Variants in SLC27A1 observed in about 807,000 individuals in gnomAD.
SLC27A1 encodes the protein long-chain fatty acid transport protein 1.
In SLC27A1, 61 loss-of-function variants were observed where a neutral mutation model predicts 62.2. The observed-to-expected ratio is 0.98, with a 90% confidence interval of 0.80 to 1.21. The LOEUF (loss-of-function observed/expected upper bound fraction) is 1.21. Among genes scored for constraint, SLC27A1 ranks in the 50% most tolerant of loss-of-function variants. The probability of loss-of-function intolerance (pLI) is 0.00; values close to 1 mark genes in which losing one functional copy is unlikely to be tolerated. For synonymous variants in SLC27A1, 435 were observed against 408.6 expected, an observed-to-expected ratio of 1.06 and a Z score of -0.78; for missense variants, 903 against 932.1, an observed-to-expected ratio of 0.97 and a Z score of 0.41.
chr19:17,481,723 G>A (rs960596725), intron 1 of SLC27A1, among the ~76,000 whole-genome samples: 16 of 152,014 alleles, frequency 1.1e-4, no homozygotes, highest in African/African-American at 2.7e-4. Context: ...GGCTGGTCTC[G>A]AACTGCTGGG....
upstream of SLC27A1, chr19:17,468,999 T>C (rs2075048611): frequency 6.6e-6 from 1 of 152,336 alleles, no homozygotes; most frequent in Non-Finnish European, 1.5e-5. Context: ...AAGGCACGGC[T>C]TGCAGCTTCA....
intron 1 of SLC27A1, among the ~76,000 whole-genome samples, chr19:17,472,633 T>G (rs2144537931): frequency 6.6e-6 from 1 of 152,042 alleles, no homozygotes; most frequent in South Asian, 2.1e-4. Flanking sequence ...TTCAAGTGAT[T>G]CTCCTGCGTC....
chr19:17,496,671 T>C (rs1049052520), intron 6 of SLC27A1: 26 of 153,402 alleles, frequency 1.7e-4, no homozygotes, highest in African/African-American at 5.6e-4. Flanking sequence ...GGATGTGGTA[T>C]CTCCAGGAAG....
rs1480933869 is a variant in SLC27A1, at chr19:17,504,331, G to T, written c.1784-124G>T. On this transcript the variant is annotated intron_variant, in intron 11 of 11. Transcript: ENST00000252595. The stretch of plus-strand genomic sequence containing the variant: ...AGGGGGAATCAGGCAGGCAAAATGG[G>T]GAAGAACATTCCTGCCCAGGGGACA... 8.0e-6 allele frequency: 10 copies of T among 1,245,424 alleles called. No homozygotes were observed. In the Admixed American group the frequency reaches 2.1e-4, roughly 26 times the overall value. The allele number at this position is 1,245,424 out of a possible 1,614,324, so 77.1% of individuals were successfully genotyped here.
chr19:17,470,289 G>A (rs542193792), upstream of SLC27A1, among the ~76,000 whole-genome samples: 17 of 152,192 alleles, frequency 1.1e-4, no homozygotes, highest in South Asian at 3.3e-3. Flanking sequence ...CAGGCCTGGG[G>A]CCCTGGTCTG....
intron 1 of SLC27A1, 41 bp downstream of exon 1, chr19:17,470,748 T>C: frequency 6.7e-7 from 1 of 1,487,934 alleles, no homozygotes. Flanking sequence ...GGGGCGGGGC[T>C]GAGGGCTCTG....
At chr19:17,471,667 G>C (rs935131077) in intron 1 of SLC27A1, among the ~76,000 whole-genome samples, 7 of 152,132 alleles carry the variant, frequency 4.6e-5, no homozygotes, top group African/African-American at 7.2e-5. Context: ...TAGCAAGAGG[G>C]ACTGAACCCA....
upstream of SLC27A1, chr19:17,469,036 T>C (rs1172206137): frequency 1.3e-5 from 2 of 152,242 alleles, no homozygotes; most frequent in Non-Finnish European, 2.9e-5. Context: ...GGGTTGTGCG[T>C]GCCCCCAGGC....
intron 1 of SLC27A1, 108 bp downstream of exon 1, chr19:17,470,815 A>G: frequency 3.0e-6 from 1 of 337,942 alleles, no homozygotes. Context: ...CGGAGAGCTG[A>G]GGGTGCTTTG....
At chr19:17,483,304 C>T (rs1300767239) in intron 1 of SLC27A1, among the ~76,000 whole-genome samples, 1 of 152,090 alleles carries the variant, frequency 6.6e-6, no homozygotes, top group African/African-American at 2.4e-5. Context: ...AGTGCGGCCC[C>T]ATTTTGAGGG....
intron 6 of SLC27A1, among the ~76,000 whole-genome samples, chr19:17,491,777 G>A (rs1414320451): frequency 6.6e-6 from 1 of 152,082 alleles, no homozygotes; most frequent in African/African-American, 2.4e-5. Flanking sequence ...GGGAGGCTGA[G>A]GTGGGAGGAT....
At chr19:17,471,683 A>G (rs917789898) in intron 1 of SLC27A1, among the ~76,000 whole-genome samples, 2 of 152,138 alleles carry the variant, frequency 1.3e-5, no homozygotes, top group Admixed American at 1.3e-4. Context: ...ACCCATTGTA[A>G]GGAGGGCACA....
In SLC27A1 at chr19:17,500,617, A is replaced by G. The variant is rs1441886937; in HGVS notation, c.1456A>G (p.Ser486Gly). Residue 486 changes from serine (S) to glycine (G), a missense_variant, in exon 9 of 12, where the codon AGC (serine) becomes GGC (glycine). Ser to Gly is a moderately conservative substitution (Grantham distance 56). Transcript: ENST00000252595. ...IAHSVFSKGD[S>G]AYLSGDVLVM... is the part of the protein sequence containing the mutation. The stretch of plus-strand genomic sequence containing the variant: ...CCACAGCGTCTTCAGCAAGGGCGAC[A>G]GCGCCTACCTCTCAGGTGCGCAGCC... 1 of 1,613,740 alleles carries G rather than the reference A, an allele frequency of 6.2e-7. No individual in the cohort carries two copies. The highest frequency in any genetic ancestry group is 8.5e-7 in the Non-Finnish European group (1 of 1,180,004).
upstream of SLC27A1, among the ~76,000 whole-genome samples, chr19:17,469,369 G>A (rs1336157056): frequency 6.6e-6 from 1 of 151,986 alleles, no homozygotes; most frequent in Non-Finnish European, 1.5e-5. Flanking sequence ...TTTAGGACAA[G>A]CTGGAGCAAG....
intron 1 of SLC27A1, among the ~76,000 whole-genome samples, chr19:17,475,906 G>C (rs1461140050): frequency 6.6e-6 from 1 of 152,180 alleles, no homozygotes; most frequent in Non-Finnish European, 1.5e-5. Context: ...CATGTGGCTG[G>C]AACCAAGTAC....
chr19:17,492,629 A>AG lies in SLC27A1; in HGVS notation c.996+3512_996+3513insG, dbSNP rs1322329961. Among the ~76,000 whole-genome samples the AG allele has an allele frequency of 3.2e-3, 483 of 150,184 alleles. 10 individuals carry two copies. The highest frequency in any genetic ancestry group is 0.011 in the African/African-American group (463 of 40,926). On this transcript the variant is annotated intron_variant, in intron 6 of 11. Coordinates refer to ENST00000252595, the MANE Select transcript of SLC27A1 (RefSeq NM_198580.3). ...GAGACTCCATCTCAAAAAAAAAAAAAAAAAAAGAAAAAGAAATAGAGGACG... is the reference window on the plus strand; with the variant it reads ...GAGACTCCATCTCAAAAAAAAAAAAAGAAAAAAGAAAAAGAAATAGAGGACG...
chr19:17,469,566 C>G (rs1044827554), upstream of SLC27A1, among the ~76,000 whole-genome samples: 9 of 151,918 alleles, frequency 5.9e-5, no homozygotes, highest in East Asian at 1.5e-3. Context: ...AGACAGCGGA[C>G]GACCCTGGCG....
intron 1 of SLC27A1, among the ~76,000 whole-genome samples, chr19:17,477,239 G>GTTTTTTTT (rs1368216587): frequency 2.0e-5 from 1 of 49,056 alleles, no homozygotes; most frequent in African/African-American, 8.1e-5. Flanking sequence ...GATGAGCAGC[G>GTTTTTTTT]CTTTTTTTTT....
upstream of SLC27A1, chr19:17,470,412 T>TCGCGGGGGGCGCAGAGCCGAGG: frequency 8.7e-7 from 1 of 1,150,198 alleles, no homozygotes; most frequent in South Asian, 2.0e-5. Flanking sequence ...GTTCCCGGAC[T>TCGCGGGGGGCGCAGAGCCGAGG]CGCGGGGGGC....
Sources: gnomAD v4.1 joint callset for allele counts (sites outside exome capture counted in the v4.1 genomes callset) on GRCh38, gnomAD v4.1.1 for gene constraint, MANE v1.5 for transcripts, NCBI Gene and HGNC (gene_info 2026-07-23, HGNC 2026-07-21) for gene names.